The following GRM1 variants were observed in gnomAD, a reference collection of about 807,000 sequenced individuals.
GRM1 encodes metabotropic glutamate receptor 1.
GRM1 carries 33 observed loss-of-function variants against 90.9 expected under a neutral mutation model. The ratio of observed to expected loss-of-function variants is 0.36; its 90% CI spans 0.28 to 0.49. The LOEUF is 0.49. GRM1 is among the 20% of genes least tolerant of loss of function. The probability of loss-of-function intolerance (pLI) is 0.99; values close to 1 mark genes in which losing one functional copy is unlikely to be tolerated. For missense variants in GRM1, 1,190 were observed against 1,534.3 expected (o/e 0.78, Z 3.75); for synonymous variants, 700 against 613.2 (o/e 1.14, Z -2.09).
chr6:146,239,067 T>C (rs1780754405), intron 2 of GRM1, among the ~76,000 whole-genome samples: 1 of 152,144 alleles, frequency 6.6e-6, no homozygotes, highest in Non-Finnish European at 1.5e-5. Flanking sequence ...TAAAATATCA[T>C]GCCATTCTTC....
intron 1 of GRM1, among the ~76,000 whole-genome samples, chr6:146,140,806 C>A (rs1776850842): frequency 6.6e-6 from 1 of 151,974 alleles, no homozygotes; most frequent in South Asian, 2.1e-4. Context: ...TTTGTTGTTT[C>A]TATTTATATC....
chr6:146,397,473 C>CAAAAAAAAAAAAAAAAA (rs1195779695), intron 6 of GRM1, among the ~76,000 whole-genome samples: 3 of 16,762 alleles, frequency 1.8e-4, no homozygotes, highest in African/African-American at 2.2e-4. Flanking sequence ...GACCCCGTCT[C>CAAAAAAAAAAAAAAAAA]AAAAAAAAAA....
chr6:146,433,815 T>G, intron 7 of GRM1, 57 bp from the exon 8 acceptor site: 1 of 1,245,212 alleles, frequency 8.0e-7, no homozygotes, highest in Non-Finnish European at 1.2e-6. Flanking sequence ...TTTCTATGTA[T>G]TTTATCCTGT....
chr6:146,217,850 G>A (rs1260227179), intron 2 of GRM1, among the ~76,000 whole-genome samples: 1 of 152,168 alleles, frequency 6.6e-6, no homozygotes, highest in African/African-American at 2.4e-5. Context: ...TCCCAGAGAG[G>A]TGACTTTAGA....
At chr6:146,130,322 C>G (rs1332365571) in intron 1 of GRM1, among the ~76,000 whole-genome samples, 1 of 138,386 alleles carries the variant, frequency 7.2e-6, no homozygotes, top group Non-Finnish European at 1.5e-5. Flanking sequence ...TTTTATCAGT[C>G]AGTACACTTA....
Position 146,259,810 on chromosome 6 carries a change from A to G in GRM1, c.951-44801A>G, listed in dbSNP as rs545212427. Among the ~76,000 whole-genome samples, 3 of 152,116 alleles carry G rather than the reference A, an allele frequency of 2.0e-5. No individual in the cohort carries two copies. The South Asian group carries it at 6.2e-4, about 32-fold the overall frequency. On this transcript the variant is annotated intron_variant, in intron 2 of 7. Transcript: ENST00000282753. ...TCCTGATTCCAGTTTTTCTGGATAT[A>G]TAACCAAAGGTGGAATTGCCAGATC...
At position 146,434,365 on chromosome 6, in the gene GRM1, C is replaced by T. The variant is rs149788663; in HGVS notation, c.3154C>T (p.Leu1052=). The T allele has an allele frequency of 1.2e-4, 196 of 1,613,292 alleles. No individual in the cohort carries two copies. Among genetic ancestry groups the T allele is most frequent in the Non-Finnish European group, 1.6e-4 (189 of 1,179,530 alleles). ...STAIPDFHAV[L]AGPGGPGNGL... is the part of the protein sequence containing the mutation. ...CGCGATCCCGGATTTTCACGCGGTG[C>T]TGGCAGGCCCCGGTGGTCCCGGGAA... The change falls in exon 8 of 8, where the codon CTG becomes TTG. Residue 1052 remains leucine, a synonymous_variant. Transcript: ENST00000282753.
chr6:146,358,645 G>A (rs1358998315), intron 5 of GRM1, among the ~76,000 whole-genome samples: 2 of 152,176 alleles, frequency 1.3e-5, no homozygotes, highest in East Asian at 3.9e-4. Context: ...ATGGAGGAGA[G>A]ATGCTCTGAT....
intron 1 of GRM1, among the ~76,000 whole-genome samples, chr6:146,100,135 TA>T (rs1231299255): frequency 1.3e-5 from 2 of 152,194 alleles, no homozygotes; most frequent in African/African-American, 4.8e-5. Flanking sequence ...AGTAACTTTT[TA>T]AAAAACAGAA....
intron 2 of GRM1, among the ~76,000 whole-genome samples, chr6:146,222,621 G>A (rs1368532848): frequency 6.6e-6 from 1 of 152,008 alleles, no homozygotes; most frequent in Non-Finnish European, 1.5e-5. Context: ...AGCTGCTGAT[G>A]GATTGGTTGA....
intron 2 of GRM1, among the ~76,000 whole-genome samples, chr6:146,198,449 T>C (rs1233764752): frequency 2.0e-5 from 3 of 151,926 alleles, no homozygotes; most frequent in African/African-American, 7.3e-5. Flanking sequence ...CGGCTAGAGG[T>C]GGGGGAAAGT....
intron 2 of GRM1, among the ~76,000 whole-genome samples, chr6:146,261,809 A>T (rs973079461): frequency 6.6e-6 from 1 of 152,174 alleles, no homozygotes; most frequent in East Asian, 1.9e-4. Context: ...CAGAGAAAAA[A>T]ATCAAATAAA....
chr6:146,048,254 C>T (rs1791405184), intron 1 of GRM1, among the ~76,000 whole-genome samples: 1 of 151,924 alleles, frequency 6.6e-6, no homozygotes, highest in Admixed American at 6.6e-5. Flanking sequence ...GACATTTGGG[C>T]TGGCCAGGGT....
At chr6:146,150,711 C>T (rs1777292810) in intron 1 of GRM1, among the ~76,000 whole-genome samples, 1 of 152,090 alleles carries the variant, frequency 6.6e-6, no homozygotes, top group Admixed American at 6.6e-5. Flanking sequence ...TCTTCTCTCC[C>T]CACTACCACT....
Position 146,143,946 on chromosome 6 carries a change from A to G in GRM1, c.701-15402A>G, listed in dbSNP as rs1776993012. Among the ~76,000 whole-genome samples, 5 of 152,360 alleles carry G rather than the reference A, an allele frequency of 3.3e-5. No individual in the cohort carries two copies. The South Asian group carries it at 1.0e-3, about 32-fold the overall frequency. The stretch of plus-strand genomic sequence containing the variant: ...TCAAGGTCATAGCTAGTTAGAGGCA[A>G]TCAAGACTCCTGGCTCTCATTCTGA... On this transcript the variant is annotated intron_variant, in intron 1 of 7. Coordinates refer to ENST00000282753, the MANE Select transcript of GRM1 (RefSeq NM_001278064.2).
rs551523900 is a variant in GRM1 at position 146,194,670 on chromosome 6, T to A, written c.950+35073T>A. Among the ~76,000 whole-genome samples the A allele has an allele frequency of 5.9e-5, 9 of 152,276 alleles. No homozygotes were observed. The South Asian group carries it at 1.9e-3, about 32-fold the overall frequency. On this transcript the variant is annotated intron_variant, in intron 2 of 7. Coordinates refer to ENST00000282753, the MANE Select transcript of GRM1 (RefSeq NM_001278064.2). ...CAGACACAATTCTTTCCAGAAAGAA[T>A]GTAAGGAACCAAGCCAAATGTTTTC...
intron 2 of GRM1, among the ~76,000 whole-genome samples, chr6:146,258,600 G>A (rs2114784224): frequency 6.6e-6 from 1 of 152,020 alleles, no homozygotes; most frequent in Middle Eastern, 3.4e-3. Flanking sequence ...GCTCACTGCA[G>A]CCTTGAAATC....
rs1284410701 is a variant in GRM1 at position 146,261,229 on chromosome 6, A to G, written c.951-43382A>G. Among the ~76,000 whole-genome samples the G allele has an allele frequency of 4.6e-5, 7 of 152,156 alleles. No homozygotes were observed. The East Asian group carries it at 7.7e-4, about 17-fold the overall frequency. ...AATAAAATGCCAAGGAGAAAATCCA[A>G]CTGAAGGATCTGTCTGGAGTTGATG... On this transcript the variant is annotated intron_variant, in intron 2 of 7. Transcript: ENST00000282753.
intron 3 of GRM1, among the ~76,000 whole-genome samples, chr6:146,337,215 A>G (rs1227350567): frequency 6.6e-6 from 1 of 152,212 alleles, no homozygotes; most frequent in Non-Finnish European, 1.5e-5. Context: ...AGAACCTGGC[A>G]GCCCACTGCC....
Sources: allele counts gnomAD v4.1 joint callset (sites outside exome capture counted in the v4.1 genomes callset), GRCh38; gene constraint gnomAD v4.1.1; transcripts MANE v1.5; gene names NCBI Gene and HGNC (gene_info 2026-07-23, HGNC 2026-07-21).